Variants in CARF observed in about 807,000 individuals in gnomAD.
CARF encodes the protein calcium responsive transcription factor, also known as calcium-responsive transcription factor.
CARF carries 57 observed loss-of-function variants against 82.0 expected under a neutral mutation model. The ratio of observed to expected loss-of-function variants is 0.70; its 90% CI spans 0.56 to 0.87. CARF has a LOEUF of 0.87. CARF is among the 40% of genes least tolerant of loss of function. The pLI, the probability that CARF is intolerant of heterozygous loss-of-function variation, is 0.00. For synonymous variants in CARF, 268 were observed against 290.1 expected (o/e 0.92, Z 0.77); for missense variants, 771 against 855.8 (o/e 0.90, Z 1.24).
At chr2:202,964,156 T>G (rs1014797695) in intron 9 of CARF, among the ~76,000 whole-genome samples, 2 of 152,208 alleles carry the variant, frequency 1.3e-5, no homozygotes, top group Non-Finnish European at 2.9e-5. Flanking sequence ...GGATTTCAGA[T>G]TTGTACATAA....
At chr2:202,949,893 G>T (rs1270678238) in intron 5 of CARF, among the ~76,000 whole-genome samples, 1 of 152,150 alleles carries the variant, frequency 6.6e-6, no homozygotes, top group African/African-American at 2.4e-5. Context: ...AGATTCTGTA[G>T]TGGGTGAATC....
intron 3 of CARF, among the ~76,000 whole-genome samples, chr2:202,932,011 G>A (rs180731027): frequency 6.9e-4 from 105 of 152,288 alleles, no homozygotes; most frequent in Non-Finnish European, 1.3e-3. Flanking sequence ...GCTTCTACTG[G>A]GGAGGCGTCA....
chr2:202,950,280 C>T (rs1227212377), intron 5 of CARF, among the ~76,000 whole-genome samples: 1 of 152,024 alleles, frequency 6.6e-6, no homozygotes, highest in Non-Finnish European at 1.5e-5. Flanking sequence ...GAGGATATTC[C>T]ACAGATCAGT....
intron 10 of CARF, among the ~76,000 whole-genome samples, chr2:202,968,188 G>A (rs2059631218): frequency 6.6e-6 from 1 of 152,146 alleles, no homozygotes; most frequent in South Asian, 2.1e-4. Context: ...CGGATTACAA[G>A]GTCAGGAGTT....
intron 8 of CARF, among the ~76,000 whole-genome samples, chr2:202,960,137 G>A (rs1361029392): frequency 6.6e-6 from 1 of 152,172 alleles, no homozygotes; most frequent in Non-Finnish European, 1.5e-5. Flanking sequence ...GGGAAGCATA[G>A]TTACTAAATT....
At chr2:202,938,107 A>G (rs757297888) in intron 3 of CARF, among the ~76,000 whole-genome samples, 1 of 152,156 alleles carries the variant, frequency 6.6e-6, no homozygotes, top group Non-Finnish European at 1.5e-5. Context: ...AAACAATCCA[A>G]TTATACTCTT....
At chr2:202,952,382 G>C (rs1441288142) in intron 5 of CARF, among the ~76,000 whole-genome samples, 177 bp from the exon 6 acceptor site, 1 of 152,138 alleles carries the variant, frequency 6.6e-6, no homozygotes, top group Non-Finnish European at 1.5e-5. Flanking sequence ...CCACTTATAA[G>C]TTGTGAGACC....
At chr2:202,919,484 A>C (rs1690374062) in intron 2 of CARF, among the ~76,000 whole-genome samples, 2 of 152,162 alleles carry the variant, frequency 1.3e-5, no homozygotes, top group South Asian at 2.1e-4. Context: ...CCTAAACTCC[A>C]CTTCTCAATC....
At chr2:202,919,538 T>C (rs1690388708) in intron 2 of CARF, among the ~76,000 whole-genome samples, 1 of 152,186 alleles carries the variant, frequency 6.6e-6, no homozygotes, top group African/African-American at 2.4e-5. Flanking sequence ...GCCTGCATAG[T>C]TAGAGCTCTA....
At chr2:202,935,295 ATAT>A (rs1278518761) in intron 3 of CARF, among the ~76,000 whole-genome samples, 5 of 128,882 alleles carry the variant, frequency 3.9e-5, no homozygotes, top group African/African-American at 5.6e-5. Context: ...CTACTTATAT[ATAT>A]TATATTTATA....
intron 5 of CARF, among the ~76,000 whole-genome samples, 191 bp from the exon 6 acceptor site, chr2:202,952,368 T>G (rs1379570058): frequency 1.3e-5 from 2 of 152,200 alleles, no homozygotes; most frequent in Non-Finnish European, 2.9e-5. Context: ...TAATCCTGGC[T>G]TCACCACTTA....
chr2:202,963,879 T>C (rs1032022079), intron 9 of CARF, among the ~76,000 whole-genome samples: 1 of 151,986 alleles, frequency 6.6e-6, no homozygotes, highest in African/African-American at 2.4e-5. Context: ...TGATAGGGAG[T>C]GGCTGTAAAT....
chr2:202,932,402 G>GGGTCTGTGACT (rs1392711528), intron 3 of CARF, among the ~76,000 whole-genome samples: 3 of 152,158 alleles, frequency 2.0e-5, no homozygotes, highest in African/African-American at 7.2e-5. Context: ...CCCTCTAGCA[G>GGGTCTGTGACT]CTCAGGCCCA....
chr2:202,974,425 C>G lies in CARF; in HGVS notation c.1423C>G (p.His475Asp). 6 of 1,609,102 alleles carry G rather than the reference C, an allele frequency of 3.7e-6. No homozygotes were observed. The highest frequency in any genetic ancestry group is 5.1e-6 in the Non-Finnish European group (6 of 1,178,434). The change falls in exon 13 of 17, where the codon CAC becomes GAC. Residue 475 changes from histidine to aspartate, a missense_variant. His to Asp is a moderately conservative substitution (Grantham distance 81). Coordinates refer to ENST00000438828, the MANE Select transcript of CARF (RefSeq NM_024744.17). ...FFPTVNDIKN[H>D]IHEVQKSLRN... Reference sequence around the variant, plus strand: ...TCCAACTGTAAATGATATAAAAAATCACATCCATGAGGTACAGAAATCCTT... The same window carrying G: ...TCCAACTGTAAATGATATAAAAAATGACATCCATGAGGTACAGAAATCCTT...
At chr2:202,948,290 G>T (rs2058595205) in intron 5 of CARF, among the ~76,000 whole-genome samples, 2 of 152,130 alleles carry the variant, frequency 1.3e-5, no homozygotes, top group Non-Finnish European at 2.9e-5. Context: ...GTAACATAAT[G>T]CCTCCAGCTT....
chr2:202,919,846 G>T lies in CARF; in HGVS notation c.-163+1803G>T, dbSNP rs1198494615. 2.0e-5 allele frequency among the ~76,000 whole-genome samples: 3 copies of T among 152,246 alleles called. No individual in the cohort carries two copies. In the East Asian group the frequency reaches 5.8e-4, roughly 29 times the overall value. On this transcript the variant is annotated intron_variant, in intron 2 of 16. Coordinates refer to ENST00000438828, the MANE Select transcript of CARF (RefSeq NM_024744.17). ...CCACTCAGCATATTTGTAATCTTGG[G>T]AAAGTTACTTATCTGCCTATCCTAT...
chr2:202,943,291 C>G (rs2058322201), intron 5 of CARF, among the ~76,000 whole-genome samples: 1 of 152,090 alleles, frequency 6.6e-6, no homozygotes, highest in Non-Finnish European at 1.5e-5. Context: ...CCAGGCTGGC[C>G]TCAAACTCCT....
chr2:202,954,710 TAAA>T (rs35250610), intron 7 of CARF, among the ~76,000 whole-genome samples: 9 of 120,866 alleles, frequency 7.4e-5, no homozygotes, highest in Admixed American at 8.7e-5. Flanking sequence ...AGACATCATT[TAAA>T]AAAAAAAAAA....
At chr2:202,964,109 CAAGT>C (rs1246433834) in intron 9 of CARF, among the ~76,000 whole-genome samples, 1 of 152,062 alleles carries the variant, frequency 6.6e-6, no homozygotes, top group Non-Finnish European at 1.5e-5. Flanking sequence ...GTTTCGCAGC[CAAGT>C]GAGTCCTGAA....
Sources: gnomAD v4.1 joint callset for allele counts (sites outside exome capture counted in the v4.1 genomes callset) on GRCh38, gnomAD v4.1.1 for gene constraint, MANE v1.5 for transcripts, NCBI Gene and HGNC (gene_info 2026-07-23, HGNC 2026-07-21) for gene names.